Variants in ERBB4 observed in about 807,000 individuals in gnomAD.
ERBB4 encodes receptor tyrosine-protein kinase erbB-4.
A neutral mutation model predicts 158.0 loss-of-function variants in ERBB4; 42 were observed. The ratio of observed to expected loss-of-function variants is 0.27; its 90% CI spans 0.21 to 0.34. The LOEUF (loss-of-function observed/expected upper bound fraction) is 0.34, where lower values mean the gene tolerates loss of function less well. Among genes scored for constraint, ERBB4 ranks in the 10% least tolerant of loss-of-function variants. The pLI is 1.00. For missense variants in ERBB4, 1,333 were observed against 1,624.1 expected, an observed-to-expected ratio of 0.82 and a Z score of 3.08; for synonymous variants, 583 against 558.7, an observed-to-expected ratio of 1.04 and a Z score of -0.61.
intron 2 of ERBB4, among the ~76,000 whole-genome samples, chr2:212,055,420 G>A (rs1458433273): frequency 3.3e-5 from 5 of 152,232 alleles, no homozygotes; most frequent in Non-Finnish European, 7.3e-5. Flanking sequence ...TGACAGCTTT[G>A]AAGAGAGTAG....
intron 12 of ERBB4, among the ~76,000 whole-genome samples, chr2:211,685,355 C>T (rs2072520785): frequency 6.6e-6 from 1 of 152,094 alleles, no homozygotes; most frequent in Non-Finnish European, 1.5e-5. Context: ...TATAGATGTT[C>T]ATTTGCTCTG....
chr2:211,622,252 G>GT (rs568410293), intron 18 of ERBB4, among the ~76,000 whole-genome samples: 1 of 152,038 alleles, frequency 6.6e-6, no homozygotes, highest in African/African-American at 2.4e-5. Flanking sequence ...GTCTGAGTCT[G>GT]TTTTTTTCTA....
At chr2:211,746,023 T>G (rs1444460006) in intron 5 of ERBB4, among the ~76,000 whole-genome samples, 1 of 152,236 alleles carries the variant, frequency 6.6e-6, no homozygotes, top group African/African-American at 2.4e-5. Context: ...AATTGTAAAA[T>G]TGGGTTAATG....
intron 1 of ERBB4, among the ~76,000 whole-genome samples, chr2:212,226,719 C>G (rs2083484221): frequency 6.6e-6 from 1 of 151,952 alleles, no homozygotes; most frequent in South Asian, 2.1e-4. Context: ...TTTTTTTAAT[C>G]TGTCTTATCA....
chr2:211,651,356 TAAG>T (rs777953538), intron 16 of ERBB4, among the ~76,000 whole-genome samples: 11 of 151,818 alleles, frequency 7.2e-5, no homozygotes, highest in Non-Finnish European at 1.3e-4. Flanking sequence ...CAAGAAAAAA[TAAG>T]AATGGCACCG....
intron 24 of ERBB4, among the ~76,000 whole-genome samples, chr2:211,421,539 A>C (rs2063514737): frequency 6.6e-6 from 1 of 152,032 alleles, no homozygotes; most frequent in South Asian, 2.1e-4. Flanking sequence ...GATACTGCAT[A>C]TCTCTCCAAA....
chr2:211,583,358 T>C (rs2068159946), intron 19 of ERBB4, among the ~76,000 whole-genome samples: 1 of 151,922 alleles, frequency 6.6e-6, no homozygotes, highest in African/African-American at 2.4e-5. Context: ...ATAGTACCAC[T>C]GGGTGGTAAA....
chr2:211,835,394 A>G (rs867053187), intron 3 of ERBB4, among the ~76,000 whole-genome samples: 10 of 117,560 alleles, frequency 8.5e-5, no homozygotes, highest in African/African-American at 2.2e-4. Context: ...CCACTCTGAC[A>G]CTTGAAGTTT....
intron 1 of ERBB4, among the ~76,000 whole-genome samples, chr2:212,231,873 T>A (rs2083677606): frequency 6.6e-6 from 1 of 152,208 alleles, no homozygotes; most frequent in Non-Finnish European, 1.5e-5. Context: ...ACAATTCATT[T>A]TTCAATCTCC....
intron 2 of ERBB4, among the ~76,000 whole-genome samples, chr2:212,008,206 C>T (rs1326369879): frequency 6.6e-6 from 1 of 151,974 alleles, no homozygotes; most frequent in African/African-American, 2.4e-5. Flanking sequence ...TACTAGTCTA[C>T]AGGGGGGTTT....
intron 2 of ERBB4, among the ~76,000 whole-genome samples, chr2:211,969,274 G>T: frequency 6.6e-6 from 1 of 151,984 alleles, no homozygotes; most frequent in East Asian, 1.9e-4. Flanking sequence ...GCACAGAAGG[G>T]TCTGAGCAAT....
At chr2:212,064,322 T>C (rs112438095) in intron 2 of ERBB4, among the ~76,000 whole-genome samples, 1,974 of 152,252 alleles carry the variant, frequency 0.013, 22 homozygotes, top group Middle Eastern at 0.027. Context: ...ACTAAATACA[T>C]GGATGCCATG....
chr2:212,538,625 C>G lies in ERBB4; in HGVS notation c.-95G>C, dbSNP rs1693249055. 1 of 1,322,886 alleles carries G rather than the reference C, an allele frequency of 7.6e-7. No individual in the cohort carries two copies. The highest frequency in any genetic ancestry group is 1.5e-5 in the African/African-American group (1 of 68,804). 81.9% of individuals were successfully genotyped at this position (1,322,886 alleles called of 1,614,324 possible). ...GGAGGAGATCCCCCAGCCGGGCGCG[C>G]GTGGGGGTGCGAGGGGGGCGGGCGC... On this transcript the variant is annotated 5_prime_UTR_variant, in exon 1 of 28. Transcript: ENST00000342788.
chr2:211,580,795 TATATATATATATATATA>T (rs2068046496), intron 19 of ERBB4, among the ~76,000 whole-genome samples: 1 of 66,568 alleles, frequency 1.5e-5, no homozygotes, highest in Non-Finnish European at 2.3e-5. Context: ...GTGATATATA[TATATATATATATATATA>T]ATATATATAT....
At chr2:211,593,662 G>T (rs1016217157) in intron 19 of ERBB4, among the ~76,000 whole-genome samples, 2 of 152,166 alleles carry the variant, frequency 1.3e-5, no homozygotes, top group African/African-American at 4.8e-5. Context: ...GTCACACAAA[G>T]ATACTCTAGC....
intron 9 of ERBB4, 138 bp downstream of exon 9, chr2:211,711,912 C>G: frequency 1.4e-6 from 1 of 722,666 alleles, no homozygotes; most frequent in South Asian, 1.7e-5. Context: ...AAATCAGGCC[C>G]CTGCTTTTGT....
intron 5 of ERBB4, among the ~76,000 whole-genome samples, chr2:211,745,148 G>T (rs562049442): frequency 1.2e-4 from 19 of 152,146 alleles, no homozygotes; most frequent in Admixed American, 9.8e-4. Flanking sequence ...AATAACAGAA[G>T]AGTCAGTGGA....
chr2:212,411,217 C>T (rs907704513), intron 1 of ERBB4, among the ~76,000 whole-genome samples: 5 of 152,062 alleles, frequency 3.3e-5, no homozygotes, highest in Non-Finnish European at 7.4e-5. Flanking sequence ...CTTATACCTA[C>T]TCTGTTGGTT....
chr2:212,231,643 C>CATA (rs1295835110), intron 1 of ERBB4, among the ~76,000 whole-genome samples: 1 of 152,162 alleles, frequency 6.6e-6, no homozygotes, highest in African/African-American at 2.4e-5. Context: ...ACTTCATAAA[C>CATA]AGTCAGGTCT....
Sources: allele counts gnomAD v4.1 joint callset (sites outside exome capture counted in the v4.1 genomes callset), GRCh38; gene constraint gnomAD v4.1.1; transcripts MANE v1.5; gene names NCBI Gene and HGNC (gene_info 2026-07-23, HGNC 2026-07-21).